DIAPH3: variants seen among roughly 807,000 people sequenced by gnomAD.
DIAPH3 encodes the protein protein diaphanous homolog 3.
In DIAPH3, 117 loss-of-function variants were observed where a neutral mutation model predicts 144.3. The observed-to-expected ratio is 0.81, with a 90% CI of 0.70 to 0.95. The LOEUF is 0.95. Ranked by LOEUF, DIAPH3 falls within the 40% of genes least tolerant of loss-of-function variation. The probability of loss-of-function intolerance (pLI) is 0.00; values close to 1 mark genes in which losing one functional copy is unlikely to be tolerated. For missense variants in DIAPH3, 1,421 were observed against 1,412.7 expected (o/e 1.01, Z -0.09); for synonymous variants, 519 against 488.9 (o/e 1.06, Z -0.81).
intron 25 of DIAPH3, among the ~76,000 whole-genome samples, chr13:59,785,737 T>C (rs1380882071): frequency 6.6e-6 from 1 of 152,218 alleles, no homozygotes; most frequent in Admixed American, 6.5e-5. Context: ...TTTCTCTCTG[T>C]GGCTCCCCTG....
At position 60,093,595 on chromosome 13, in the gene DIAPH3, G is replaced by A. The variant is rs147086428; in HGVS notation, c.495+33C>T. 1,649 of 1,391,544 alleles carry A rather than the reference G, an allele frequency of 1.2e-3. 13 individuals carry two copies. The African/African-American group carries it at 0.02, about 17-fold the overall frequency. 86.2% of individuals were successfully genotyped at this position (1,391,544 alleles called of 1,614,324 possible). ...CTGTTTTCCATGTTAAAACATGTTC[G>A]GCAGTATTTTTCAACTTGACAGTTT... On this transcript the variant is annotated intron_variant, in intron 4 of 27. Transcript: ENST00000400324.
rs546150004 is a variant in DIAPH3, at chr13:59,943,167, A to C, written c.2075-18297T>G. 1.2e-4 allele frequency among the ~76,000 whole-genome samples: 18 copies of C among 152,296 alleles called. No individual in the cohort carries two copies. In the East Asian group the frequency reaches 3.3e-3, roughly 28 times the overall value. ...AACAAAATGGGCTTTCTGGTTTTTAAAAAAAGTTTATTTTGGCAGTTTATT... is the reference window on the plus strand; with the variant it reads ...AACAAAATGGGCTTTCTGGTTTTTACAAAAAGTTTATTTTGGCAGTTTATT... On this transcript the variant is annotated intron_variant, in intron 17 of 27. Coordinates refer to ENST00000400324, the MANE Select transcript of DIAPH3 (RefSeq NM_001042517.2).
chr13:59,675,173 CTCTTG>C (rs2032576171), intron 27 of DIAPH3, among the ~76,000 whole-genome samples: 1 of 152,028 alleles, frequency 6.6e-6, no homozygotes, highest in Admixed American at 6.6e-5. Flanking sequence ...TCAAGGTATC[CTCTTG>C]TCTTGGCCTT....
chr13:60,125,797 G>A (rs2058976533), intron 2 of DIAPH3, among the ~76,000 whole-genome samples: 1 of 152,082 alleles, frequency 6.6e-6, no homozygotes, highest in African/African-American at 2.4e-5. Context: ...GTGGGAAGGT[G>A]GCATTTTGGG....
At position 59,833,220 on chromosome 13, in the gene DIAPH3, C is replaced by T. The variant is rs781747042; in HGVS notation, c.2914G>A (p.Glu972Lys). The change falls in exon 24 of 28, where the codon GAA (glutamate) becomes AAA (lysine). Residue 972 changes from glutamate (E) to lysine (K), a missense_variant. Coordinates refer to ENST00000400324, the MANE Select transcript of DIAPH3 (RefSeq NM_001042517.2). Reference protein sequence around the residue: ...EQYETLSKLHENMEKLYQSII... With the variant: ...EQYETLSKLHKNMEKLYQSII... ...CTCTGGTATAACTTTTCCATGTTTT[C>T]GTGTAACTTCGAAAGTGTCTCATAT... The T allele has an allele frequency of 2.7e-5, 43 of 1,609,446 alleles. No homozygotes were observed. The Middle Eastern group carries it at 6.6e-4, about 25-fold the overall frequency.
intron 15 of DIAPH3, among the ~76,000 whole-genome samples, chr13:59,973,778 T>A (rs1481568585): frequency 6.6e-6 from 1 of 152,122 alleles, no homozygotes; most frequent in African/African-American, 2.4e-5. Flanking sequence ...ACCTCCTTAC[T>A]TACATCCACA....
At chr13:60,043,386 G>C (rs1236801631) in intron 4 of DIAPH3, among the ~76,000 whole-genome samples, 1 of 152,222 alleles carries the variant, frequency 6.6e-6, no homozygotes, top group East Asian at 1.9e-4. Flanking sequence ...TAACTTGGCA[G>C]AACAGATCAG....
intron 17 of DIAPH3, among the ~76,000 whole-genome samples, chr13:59,945,420 T>C (rs1444916280): frequency 6.6e-6 from 1 of 152,166 alleles, no homozygotes; most frequent in East Asian, 1.9e-4. Context: ...ACAGTACCTT[T>C]CATGGGAGAG....
At chr13:59,934,375 A>C (rs1055440046) in intron 17 of DIAPH3, among the ~76,000 whole-genome samples, 2 of 152,174 alleles carry the variant, frequency 1.3e-5, no homozygotes, top group East Asian at 1.9e-4. Context: ...TAGCCTTAAG[A>C]GTATGAAAAT....
intron 21 of DIAPH3, among the ~76,000 whole-genome samples, chr13:59,871,434 T>G (rs768816291): frequency 6.6e-6 from 1 of 152,214 alleles, no homozygotes; most frequent in Non-Finnish European, 1.5e-5. Context: ...GTCGATTTTA[T>G]GTAGATGTTC....
At chr13:59,792,211 G>A (rs2039363060) in intron 25 of DIAPH3, among the ~76,000 whole-genome samples, 1 of 152,158 alleles carries the variant, frequency 6.6e-6, no homozygotes, top group African/African-American at 2.4e-5. Flanking sequence ...CAGGGCACAG[G>A]TGGAGGACAT....
At chr13:60,015,214 T>G (rs981654571) in intron 7 of DIAPH3, among the ~76,000 whole-genome samples, 1 of 152,068 alleles carries the variant, frequency 6.6e-6, no homozygotes, top group Non-Finnish European at 1.5e-5. Context: ...CAGGCTGGTC[T>G]CAAACTCCTA....
chr13:59,826,385 T>A (rs1184900244), intron 24 of DIAPH3, among the ~76,000 whole-genome samples: 1 of 144,770 alleles, frequency 6.9e-6, no homozygotes, highest in Non-Finnish European at 1.5e-5. Context: ...TATACACCAA[T>A]AACAGACAAA....
chr13:59,679,924 T>C (rs1171795871), intron 27 of DIAPH3, among the ~76,000 whole-genome samples: 1 of 152,248 alleles, frequency 6.6e-6, no homozygotes, highest in Non-Finnish European at 1.5e-5. Flanking sequence ...TTCTCTTTTT[T>C]ATTTTTCAAC....
At chr13:59,768,973 G>C (rs958064750) in intron 27 of DIAPH3, among the ~76,000 whole-genome samples, 4 of 152,044 alleles carry the variant, frequency 2.6e-5, no homozygotes, top group Admixed American at 6.6e-5. Context: ...TTTATCTTTA[G>C]GGGTTTTAAT....
intron 4 of DIAPH3, among the ~76,000 whole-genome samples, chr13:60,046,971 T>TC (rs1018630529): frequency 6.6e-6 from 1 of 151,450 alleles, no homozygotes; most frequent in Admixed American, 6.6e-5. Flanking sequence ...CCGGGGCTTT[T>TC]CGGGGGGTTG....
At chr13:60,091,755 C>T (rs974765250) in intron 4 of DIAPH3, among the ~76,000 whole-genome samples, 1 of 152,100 alleles carries the variant, frequency 6.6e-6, no homozygotes, top group Admixed American at 6.5e-5. Flanking sequence ...CAAACTATTG[C>T]TACCACCACT....
At chr13:59,918,595 G>A (rs180906491) in intron 18 of DIAPH3, among the ~76,000 whole-genome samples, 5 of 152,046 alleles carry the variant, frequency 3.3e-5, no homozygotes, top group African/African-American at 1.2e-4. Flanking sequence ...AAAATTTCCA[G>A]CCTGGGCTGC....
chr13:59,933,492 A>T (rs1166055444), intron 17 of DIAPH3, among the ~76,000 whole-genome samples: 1 of 152,232 alleles, frequency 6.6e-6, no homozygotes, highest in East Asian at 1.9e-4. Flanking sequence ...TTCTAAAGCC[A>T]GTACAAAATA....
Sources: allele counts gnomAD v4.1 joint callset (sites outside exome capture counted in the v4.1 genomes callset), GRCh38; gene constraint gnomAD v4.1.1; transcripts MANE v1.5; gene names NCBI Gene and HGNC (gene_info 2026-07-23, HGNC 2026-07-21).